Variants in MUC17 observed in about 807,000 individuals in gnomAD.
The protein encoded by MUC17 is mucin-17.
MUC17 carries 190 observed loss-of-function variants against 170.3 expected under a neutral mutation model. The ratio of observed to expected loss-of-function variants is 1.12; its 90% CI spans 0.99 to 1.26. The LOEUF (loss-of-function observed/expected upper bound fraction) is 1.26. MUC17 is among the 50% of genes most tolerant of loss of function. MUC17 has a pLI of 0.00. For synonymous variants in MUC17, 2,325 were observed against 2,002.5 expected, an observed-to-expected ratio of 1.16 and a Z score of -4.30; for missense variants, 6,415 against 5,530.0, an observed-to-expected ratio of 1.16 and a Z score of -5.08.
intron 3 of MUC17, among the ~76,000 whole-genome samples, chr7:101,044,338 G>A (rs1367862929): frequency 6.6e-6 from 1 of 152,204 alleles, no homozygotes; most frequent in Admixed American, 6.5e-5. Context: ...TCAAAAAGTG[G>A]GCAAAGGATA....
At position 101,036,458 on chromosome 7, in the gene MUC17, C is replaced by A. The variant is rs141427486; in HGVS notation, c.5042C>A (p.Pro1681Gln). 2,122 of 1,611,068 alleles carry A rather than the reference C, an allele frequency of 1.3e-3. 10 individuals are homozygous for A. The highest frequency in any genetic ancestry group is 1.2e-3 in the Non-Finnish European group (1,396 of 1,178,314). ...ACACCTGCTGAAGGTACCAGCATGC[C>A]AACCTCAACTTATACTGAAGGAAGA... is the stretch of plus-strand genomic sequence containing the variant. ...SPTPAEGTSM[P>Q]TSTYTEGRTP... The change falls in exon 3 of 13, where the codon CCA becomes CAA. Residue 1681 changes from proline to glutamine, a missense_variant. By Grantham distance (76) the Pro-to-Gln change is moderately conservative. Transcript: ENST00000306151.
chr7:101,040,971 A>G lies in MUC17; in HGVS notation c.9555A>G (p.Ser3185=). Residue 3185 remains serine, a synonymous_variant, in exon 3 of 13, where the codon TCA becomes TCG. Transcript: ENST00000306151. ...TCAGTTCTGAGGATAGCACCCTTTC[A>G]GCAACTCCTGTTGACACCAGCACAC... ...LVVSSEDSTL[S]ATPVDTSTPV... 1 of 1,613,648 alleles carries G rather than the reference A, an allele frequency of 6.2e-7. No homozygotes were observed. The highest frequency in any genetic ancestry group is 8.5e-7 in the Non-Finnish European group (1 of 1,179,886).
At chr7:101,044,307 G>GA (rs1030936579) in intron 3 of MUC17, among the ~76,000 whole-genome samples, 13 of 152,026 alleles carry the variant, frequency 8.6e-5, no homozygotes, top group Non-Finnish European at 1.6e-4. Context: ...ACATTTACGA[G>GA]AAAAAAATCA....
At chr7:101,049,617 T>C (rs181761296) in intron 6 of MUC17, among the ~76,000 whole-genome samples, 17 of 152,240 alleles carry the variant, frequency 1.1e-4, no homozygotes, top group African/African-American at 3.9e-4. Flanking sequence ...CCTTGGCTTG[T>C]GGGTGGCTGC....
At position 101,031,941 on chromosome 7, in the gene MUC17, C is replaced by T; in HGVS notation, c.525C>T (p.Tyr175=). 6.2e-7 allele frequency: 1 copy of T among 1,614,108 alleles called. No individual in the cohort carries two copies. The highest frequency in any genetic ancestry group is 1.1e-5 in the South Asian group (1 of 91,088). The change falls in exon 3 of 13, where the codon TAC becomes TAT. Residue 175 remains tyrosine, a synonymous_variant. Coordinates refer to ENST00000306151, the MANE Select transcript of MUC17 (RefSeq NM_001040105.2). ...STAPLPSFEA[Y]TSLTYKVDMS... The stretch of plus-strand genomic sequence containing the variant: ...CACCTCTTCCCAGTTTTGAGGCCTA[C>T]ACATCTTTAACATATAAGGTTGATA...
In MUC17 at chr7:101,037,074, C is replaced by A; in HGVS notation, c.5658C>A (p.Thr1886=). 2 of 1,555,240 alleles carry A rather than the reference C, an allele frequency of 1.3e-6. No individual in the cohort carries two copies. Among genetic ancestry groups the A allele is most frequent in the Non-Finnish European group, 1.7e-6 (2 of 1,166,058 alleles). Residue 1886 remains threonine, a synonymous_variant, in exon 3 of 13, where the codon ACC becomes ACA. Coordinates refer to ENST00000306151, the MANE Select transcript of MUC17 (RefSeq NM_001040105.2). ...CAGTGGCCAGTTCTGAAACCAACAC[C>A]CTTTCAACAACTCCCGCTGTCACCA... ...TTTVASSETN[T]LSTTPAVTST...
In MUC17 at chr7:101,036,280, A is replaced by G. The variant is rs767981989; in HGVS notation, c.4864A>G (p.Thr1622Ala). The G allele has an allele frequency of 2.5e-6, 4 of 1,612,904 alleles. No individual in the cohort carries two copies. The South Asian group carries it at 3.3e-5, about 13-fold the overall frequency. ...TACAACCGCTGAAGGTAGCAGCATG[A>G]CAATCTCAACTCCTAGTGAAGGAAG... ...SSTTAEGSSMTISTPSEGSPL... is the reference protein window; with the variant it reads ...SSTTAEGSSMAISTPSEGSPL... Residue 1622 changes from threonine to alanine, a missense_variant, in exon 3 of 13, where the codon ACA becomes GCA. Transcript: ENST00000306151.
In MUC17 at chr7:101,040,189, G is replaced by T. The variant is rs867915519; in HGVS notation, c.8773G>T (p.Glu2925Ter). The change falls in exon 3 of 13, where the codon GAA becomes TAA. Residue 2925 changes from glutamate to a stop codon, truncating the protein, a stop_gained. Coordinates refer to ENST00000306151, the MANE Select transcript of MUC17 (RefSeq NM_001040105.2). LOFTEE classifies it high-confidence loss of function. ...CAGCATGCCAATCTCAACTCCTAGTGAAGTAAGTACTCCATTAACAAGTAT... is the reference window on the plus strand; with the variant it reads ...CAGCATGCCAATCTCAACTCCTAGTTAAGTAAGTACTCCATTAACAAGTAT... Reference protein sequence around the residue: ...GTSMPISTPSEVSTPLTSILV... With the variant: ...GTSMPISTPS 4.3e-6 allele frequency: 7 copies of T among 1,612,960 alleles called. No homozygotes were observed. The highest frequency in any genetic ancestry group is 5.9e-6 in the Non-Finnish European group (7 of 1,179,668).
rs777794610 is a variant in MUC17, at chr7:101,042,271, C to A, written c.10855C>A (p.Pro3619Thr). Reference sequence around the variant, plus strand: ...TACTCAGAGCAATTCTACTCCTACACCTCCTGAAGTTATCACCCTGCCAAT... The same window carrying A: ...TACTCAGAGCAATTCTACTCCTACAACTCCTGAAGTTATCACCCTGCCAAT... ...TSTQSNSTPT[P>T]PEVITLPMST... Residue 3619 changes from proline (P) to threonine (T), a missense_variant, in exon 3 of 13, where the codon CCT becomes ACT. Coordinates refer to ENST00000306151, the MANE Select transcript of MUC17 (RefSeq NM_001040105.2). The A allele has an allele frequency of 1.9e-6, 3 of 1,612,874 alleles. No homozygotes were observed. The highest frequency in any genetic ancestry group is 2.5e-6 in the Non-Finnish European group (3 of 1,179,744).
rs774878027 is a variant in MUC17, at chr7:101,050,491, A to AGTGTGGTGGTGGAGCATGACGTCCTCCT, written c.12731_12758dup (p.Arg4254CysfsTer6). On this transcript the variant is annotated frameshift_variant, in exon 7 of 13. Coordinates refer to ENST00000306151, the MANE Select transcript of MUC17 (RefSeq NM_001040105.2). LOFTEE classifies it high-confidence loss of function. ...CTTCCCTTCCCTCTTCAGTCTTGGCAGTGTGGTGGTGGAGCATGACGTCCT... is the reference window on the plus strand; with the variant it reads ...CTTCCCTTCCCTCTTCAGTCTTGGCAGTGTGGTGGTGGAGCATGACGTCCTCCTGTGTGGTGGTGGAGCATGACGTCCT... 263 of 1,613,570 alleles carry AGTGTGGTGGTGGAGCATGACGTCCTCCT rather than the reference A, an allele frequency of 1.6e-4. No homozygotes were observed. The highest frequency in any genetic ancestry group is 4.2e-4 in the South Asian group (38 of 91,000).
chr7:101,039,276 T>C lies in MUC17; in HGVS notation c.7860T>C (p.Asp2620=), dbSNP rs369025980. The change falls in exon 3 of 13, where the codon GAT becomes GAC. Residue 2620 remains aspartate, a synonymous_variant. Coordinates refer to ENST00000306151, the MANE Select transcript of MUC17 (RefSeq NM_001040105.2). ...ETSSSPTTAK[D]TSMPISTPSE... is the part of the protein sequence containing the mutation. ...GTTCATCTCCTACAACTGCAAAAGA[T>C]ACCAGCATGCCAATCTCAACTCCTA... 1.1e-4 allele frequency: 184 copies of C among 1,613,140 alleles called. 1 individual carries two copies. The South Asian group carries it at 1.7e-3, about 15-fold the overall frequency.
intron 3 of MUC17, among the ~76,000 whole-genome samples, chr7:101,044,191 A>G (rs1297351082): frequency 6.6e-6 from 1 of 152,188 alleles, no homozygotes; most frequent in Non-Finnish European, 1.5e-5. Flanking sequence ...TAATGGCTGC[A>G]TAGTATTCCA....
In MUC17 at chr7:101,035,823, T is replaced by G. The variant is rs1384119567; in HGVS notation, c.4407T>G (p.Asn1469Lys). The G allele has an allele frequency of 8.1e-6, 13 of 1,601,338 alleles. No homozygotes were observed. Among genetic ancestry groups the G allele is most frequent in the Non-Finnish European group, 1.0e-5 (12 of 1,173,140 alleles). Residue 1469 changes from asparagine to lysine, a missense_variant, in exon 3 of 13, where the codon AAT (asparagine) becomes AAG (lysine). By Grantham distance (94) the Asn-to-Lys change is moderately conservative (BLOSUM62 0). Transcript: ENST00000306151. ...CTGTCAGCAACACGCCGGTGGCCAATTCTGAGGCTAGCACCCTTTCAACAA... is the reference window on the plus strand; with the variant it reads ...CTGTCAGCAACACGCCGGTGGCCAAGTCTGAGGCTAGCACCCTTTCAACAA... ...SIPVSNTPVA[N>K]SEASTLSTTP...
intron 10 of MUC17, 26 bp from the exon 11 acceptor site, chr7:101,053,313 G>A (rs754803691): frequency 2.5e-6 from 4 of 1,605,422 alleles, no homozygotes; most frequent in Non-Finnish European, 3.4e-6. Flanking sequence ...ATCCTAATGG[G>A]GTCTCTCTGA....
Position 101,032,321 on chromosome 7 carries a change from C to T in MUC17, c.905C>T (p.Thr302Ile), listed in dbSNP as rs748571880. 2 of 1,613,808 alleles carry T rather than the reference C, an allele frequency of 1.2e-6. No homozygotes were observed. The highest frequency in any genetic ancestry group is 2.2e-5 in the South Asian group (2 of 91,056). The change falls in exon 3 of 13, where the codon ACC (threonine) becomes ATC (isoleucine). Residue 302 changes from threonine (T) to isoleucine (I), a missense_variant. By Grantham distance (89) the Thr-to-Ile change is moderately conservative. Coordinates refer to ENST00000306151, the MANE Select transcript of MUC17 (RefSeq NM_001040105.2). Reference sequence around the variant, plus strand: ...ACCCTTTCAACAACTCCTGCTGCCACCAACATTCCTGTGATCACTTCTACT... The same window carrying T: ...ACCCTTTCAACAACTCCTGCTGCCATCAACATTCCTGTGATCACTTCTACT... ...ASTLSTTPAA[T>I]NIPVITSTEA...
intron 5 of MUC17, 107 bp from the exon 6 acceptor site, chr7:101,049,217 T>C: frequency 1.3e-6 from 2 of 1,515,120 alleles, no homozygotes; most frequent in Middle Eastern, 2.2e-4. Flanking sequence ...ATGAGTGTGC[T>C]ATGATGCTGC....
chr7:101,057,993 C>T lies in MUC17; in HGVS notation c.13441-10C>T, dbSNP rs1275772852. 1.2e-6 allele frequency: 2 copies of T among 1,613,766 alleles called. No homozygotes were observed. The highest frequency in any genetic ancestry group is 2.2e-5 in the South Asian group (2 of 91,042). On this transcript the variant is annotated splice_polypyrimidine_tract_variant and intron_variant, in intron 12 of 12. Transcript: ENST00000306151. The stretch of plus-strand genomic sequence containing the variant: ...GCTGAGCCCTCACTTGGTTTTATCT[C>T]TCTTTTCAGATCCGAATTCAGAGGC...
chr7:101,031,323 T>C, intron 2 of MUC17, 102 bp downstream of exon 2: 2 of 1,490,320 alleles, frequency 1.3e-6, no homozygotes, highest in Non-Finnish European at 1.8e-6. Flanking sequence ...TTTTACAGTG[T>C]GTGACGGCTT....
chr7:101,042,502 T>C lies in MUC17; in HGVS notation c.11086T>C (p.Leu3696=). Reference sequence around the variant, plus strand: ...GACGCCTAGTGAAGGAAGCACTCCATTAACAACTATGCCTGTCAGCACCAC... The same window carrying C: ...GACGCCTAGTGAAGGAAGCACTCCACTAACAACTATGCCTGTCAGCACCAC... The part of the protein sequence containing the change: ...IWTPSEGSTP[L]TTMPVSTTRV... Residue 3696 remains leucine (L), a synonymous_variant, in exon 3 of 13, where the codon TTA becomes CTA. Coordinates refer to ENST00000306151, the MANE Select transcript of MUC17 (RefSeq NM_001040105.2). The C allele has an allele frequency of 6.2e-7, 1 of 1,613,936 alleles. No homozygotes were observed. The highest frequency in any genetic ancestry group is 8.5e-7 in the Non-Finnish European group (1 of 1,179,968).
Sources: allele counts gnomAD v4.1 joint callset (sites outside exome capture counted in the v4.1 genomes callset), GRCh38; gene constraint gnomAD v4.1.1; transcripts MANE v1.5; gene names NCBI Gene and HGNC (gene_info 2026-07-23, HGNC 2026-07-21).